Variants in RSPH14 observed in about 807,000 individuals in gnomAD.
The protein encoded by RSPH14 is radial spoke head 14 homolog.
RSPH14 carries 20 observed loss-of-function variants against 26.7 expected under a neutral mutation model. That is an observed-to-expected ratio of 0.75 (90% CI 0.53 to 1.09). The LOEUF is 1.09. Among genes scored for constraint, RSPH14 ranks in the 50% least tolerant of loss-of-function variants. The probability of loss-of-function intolerance (pLI) is 0.00; values close to 1 mark genes in which losing one functional copy is unlikely to be tolerated. For synonymous variants in RSPH14, 177 were observed against 189.3 expected, an observed-to-expected ratio of 0.93 and a Z score of 0.53; for missense variants, 449 against 457.2, an observed-to-expected ratio of 0.98 and a Z score of 0.16.
At chr22:23,090,989 G>A (rs760928233) in intron 4 of RSPH14, among the ~76,000 whole-genome samples, 1 of 152,158 alleles carries the variant, frequency 6.6e-6, no homozygotes, top group Admixed American at 6.5e-5. Flanking sequence ...TTCTGCCCCA[G>A]TCGCCTCAGC....
At chr22:23,064,879 C>T (rs2068171681) in intron 4 of RSPH14, among the ~76,000 whole-genome samples, 1 of 152,168 alleles carries the variant, frequency 6.6e-6, no homozygotes, top group Non-Finnish European at 1.5e-5. Flanking sequence ...GGAATGTCAG[C>T]ATGTGATTGC....
chr22:23,095,940 C>T (rs761943894), intron 4 of RSPH14: 1 of 1,612,922 alleles, frequency 6.2e-7, no homozygotes, highest in South Asian at 1.1e-5. Flanking sequence ...GACTCGCTGA[C>T]CCGCATCATC....
chr22:23,158,423 G>A, the RSPH14 span, among the ~76,000 whole-genome samples: 3 of 152,216 alleles, frequency 2.0e-5, no homozygotes, highest in Non-Finnish European at 2.9e-5. Context: ...GAAGTGACAT[G>A]AATTTGGCAC....
intron 1 of RSPH14, among the ~76,000 whole-genome samples, chr22:23,141,239 G>C (rs1453495411): frequency 6.8e-6 from 1 of 146,534 alleles, no homozygotes; most frequent in East Asian, 2.0e-4. Flanking sequence ...TGAGGCAGGA[G>C]AATCGCTTGA....
intron 4 of RSPH14, among the ~76,000 whole-genome samples, chr22:23,067,974 C>T (rs574126304): frequency 1.3e-5 from 2 of 152,362 alleles, no homozygotes; most frequent in East Asian, 1.9e-4. Context: ...TGTGGGACCA[C>T]GCCTACTGTA....
chr22:23,083,839 A>G (rs1207639745), intron 4 of RSPH14, among the ~76,000 whole-genome samples: 1 of 152,224 alleles, frequency 6.6e-6, no homozygotes, highest in Non-Finnish European at 1.5e-5. Context: ...GCCAGGTGGC[A>G]GGCCCAGACT....
At chr22:23,135,419 G>A (rs1432436603) in intron 3 of RSPH14, among the ~76,000 whole-genome samples, 3 of 151,520 alleles carry the variant, frequency 2.0e-5, no homozygotes, top group Non-Finnish European at 2.9e-5. Context: ...GTGAACCCGG[G>A]AGGTGGAGCT....
chr22:23,138,516 C>A (rs1248540874), intron 3 of RSPH14, among the ~76,000 whole-genome samples: 1 of 151,868 alleles, frequency 6.6e-6, no homozygotes, highest in Non-Finnish European at 1.5e-5. Flanking sequence ...GAGCTGAGAT[C>A]GTGTCACCGT....
At chr22:23,125,837 G>C (rs7291739) in intron 4 of RSPH14, among the ~76,000 whole-genome samples, 7,156 of 152,262 alleles carry the variant, frequency 0.047, 581 homozygotes, top group African/African-American at 0.16. Context: ...AAGCCTACAG[G>C]GAGCAGCACA....
At chr22:23,150,183 G>T in the RSPH14 span, 1 of 1,555,088 alleles carries the variant, frequency 6.4e-7, no homozygotes, top group Non-Finnish European at 8.8e-7. Flanking sequence ...GGATGGGGGA[G>T]CAGGTGGCAA....
In RSPH14 at chr22:23,140,377, T is replaced by A. The variant is rs775346439; in HGVS notation, c.44A>T (p.Asn15Ile). 3.7e-6 allele frequency: 6 copies of A among 1,614,052 alleles called. No homozygotes were observed. Among genetic ancestry groups the A allele is most frequent in the South Asian group, 1.1e-5 (1 of 91,086 alleles). Reference sequence around the variant, plus strand: ...ATAGGCAGTGGTAATCTGGGTGGCATTGATGTTAATGGGAAGCTCCAAGGA... The same window carrying A: ...ATAGGCAGTGGTAATCTGGGTGGCAATGATGTTAATGGGAAGCTCCAAGGA... ...QNSLELPINI[N>I]ATQITTAYGH... Residue 15 changes from asparagine to isoleucine, a missense_variant, in exon 2 of 7, where the codon AAT becomes ATT. By Grantham distance (149) the Asn-to-Ile change is moderately radical (BLOSUM62 -3). Transcript: ENST00000216036.
At chr22:23,158,516 G>A in the RSPH14 span, among the ~76,000 whole-genome samples, 1 of 152,192 alleles carries the variant, frequency 6.6e-6, no homozygotes, top group Non-Finnish European at 1.5e-5. Context: ...CCAGCTACTA[G>A]AGCAAAGCCC....
the RSPH14 span, chr22:23,161,663 C>T: frequency 6.4e-6 from 7 of 1,091,724 alleles, no homozygotes; most frequent in East Asian, 7.8e-5. Flanking sequence ...TGCAGCGTGT[C>T]GCCCTCAAGC....
chr22:23,164,475 C>G, the RSPH14 span: 1 of 152,182 alleles, frequency 6.6e-6, no homozygotes, highest in African/African-American at 2.4e-5. Context: ...CTCAGTTGTC[C>G]CCCCACCCCA....
At chr22:23,061,011 A>G (rs2068083608) in intron 6 of RSPH14, among the ~76,000 whole-genome samples, 1 of 152,130 alleles carries the variant, frequency 6.6e-6, no homozygotes, top group Non-Finnish European at 1.5e-5. Flanking sequence ...CATCCTGACT[A>G]CACCAGTAAA....
intron 4 of RSPH14, among the ~76,000 whole-genome samples, chr22:23,096,815 G>A (rs1428834118): frequency 6.6e-6 from 1 of 152,250 alleles, no homozygotes; most frequent in Non-Finnish European, 1.5e-5. Flanking sequence ...GGCAGAGATG[G>A]GGTTAAGAGC....
At chr22:23,069,444 T>C (rs560347494) in intron 4 of RSPH14, among the ~76,000 whole-genome samples, 1 of 152,252 alleles carries the variant, frequency 6.6e-6, no homozygotes, top group Non-Finnish European at 1.5e-5. Flanking sequence ...ACTGAGGGAC[T>C]CCTGGCCCTG....
the RSPH14 span, chr22:23,160,815 C>A: frequency 1.3e-6 from 2 of 1,571,854 alleles, no homozygotes; most frequent in Non-Finnish European, 1.7e-6. Flanking sequence ...GGCTTTCACA[C>A]CCAGATGCAT....
chr22:23,147,481 C>T (rs569064672), upstream of RSPH14, among the ~76,000 whole-genome samples: 11 of 152,228 alleles, frequency 7.2e-5, no homozygotes, highest in South Asian at 2.3e-3. Flanking sequence ...CAGGCATGTG[C>T]TACCATGCCT....
Sources: gnomAD v4.1 joint callset for allele counts (sites outside exome capture counted in the v4.1 genomes callset) on GRCh38, gnomAD v4.1.1 for gene constraint, MANE v1.5 for transcripts, NCBI Gene and HGNC (gene_info 2026-07-23, HGNC 2026-07-21) for gene names.